Variants in POLR3K observed in about 807,000 individuals in gnomAD.
POLR3K encodes DNA-directed RNA polymerase III subunit RPC10.
In POLR3K, 11 loss-of-function variants were observed where a neutral mutation model predicts 13.5. That is an observed-to-expected ratio of 0.81 (90% CI 0.51 to 1.35). The LOEUF (loss-of-function observed/expected upper bound fraction) is 1.35. Ranked by LOEUF, POLR3K falls within the 40% of genes most tolerant of loss-of-function variation. The pLI is 0.00. For synonymous variants in POLR3K, 56 were observed against 51.5 expected (o/e 1.09, Z -0.38); for missense variants, 144 against 145.3 (o/e 0.99, Z 0.05).
chr16:49,713 C>A (rs1008585007), intron 2 of POLR3K, among the ~76,000 whole-genome samples: 1 of 151,126 alleles, frequency 6.6e-6, no homozygotes, highest in Admixed American at 6.6e-5. Context: ...GATCTCAGCT[C>A]ACTACAACCT....
chr16:51,053 C>T (rs1199073710), intron 2 of POLR3K, among the ~76,000 whole-genome samples: 1 of 152,142 alleles, frequency 6.6e-6, no homozygotes, highest in East Asian at 1.9e-4. Context: ...CCCACTGGGC[C>T]CCTCCCAGGA....
Position 53,596 on chromosome 16 carries a change from C to A in POLR3K, c.-10G>T. ...GGCAGAACAGCAGCATGGTCTCGAA[C>A]TCCGCAGGCTCCAACTCCCGGCAGC... is the stretch of plus-strand genomic sequence containing the variant. On this transcript the variant is annotated 5_prime_UTR_variant, in exon 1 of 3. Coordinates refer to ENST00000293860, the MANE Select transcript of POLR3K (RefSeq NM_016310.5). 6.2e-7 allele frequency: 1 copy of A among 1,602,908 alleles called. No individual in the cohort carries two copies. Among genetic ancestry groups the A allele is most frequent in the Non-Finnish European group, 8.5e-7 (1 of 1,175,006 alleles).
intron 2 of POLR3K, among the ~76,000 whole-genome samples, chr16:50,189 C>T (rs1897319648): frequency 6.6e-6 from 1 of 152,076 alleles, no homozygotes; most frequent in African/African-American, 2.4e-5. Context: ...GAACTCCTGA[C>T]CTCAGGTGAT....
intron 2 of POLR3K, among the ~76,000 whole-genome samples, chr16:47,951 C>T (rs1267333925): frequency 9.0e-5 from 10 of 110,764 alleles, no homozygotes; most frequent in African/African-American, 1.8e-4. Context: ...TGCAGTGGGG[C>T]GATCTCAGCT....
intron 2 of POLR3K, among the ~76,000 whole-genome samples, chr16:48,687 T>A (rs1897304887): frequency 6.6e-6 from 1 of 151,354 alleles, no homozygotes; most frequent in Non-Finnish European, 1.5e-5. Flanking sequence ...GTCGGGTGCC[T>A]GCAGTCCCAG....
At chr16:49,492 AT>A (rs368564503) in intron 2 of POLR3K, among the ~76,000 whole-genome samples, 20,689 of 144,498 alleles carry the variant, frequency 0.14, 1,514 homozygotes, top group Middle Eastern at 0.26. Flanking sequence ...AGGTAAAAAG[AT>A]TTTTTTTTTT....
intron 1 of POLR3K, among the ~76,000 whole-genome samples, chr16:52,440 C>CT (rs1897342519): frequency 8.8e-6 from 1 of 113,406 alleles, no homozygotes; most frequent in African/African-American, 3.5e-5. Context: ...GAGCGAGACT[C>CT]TGTCTCAAAA....
At chr16:51,823 A>T (rs1053468736) in intron 1 of POLR3K, 178 bp from the exon 2 acceptor site, 4 of 529,174 alleles carry the variant, frequency 7.6e-6, no homozygotes, top group Non-Finnish European at 1.4e-5. Flanking sequence ...GATCGAGACC[A>T]TCCTGGCTAA....
intron 1 of POLR3K, 92 bp downstream of exon 1, chr16:53,384 G>A: frequency 4.7e-6 from 7 of 1,484,280 alleles, no homozygotes; most frequent in South Asian, 1.3e-5. Context: ...GACAGAGGCA[G>A]ACGCCGGGGC....
chr16:50,393 A>G lies in POLR3K; in HGVS notation c.199+1165T>C, dbSNP rs539984247. Among the ~76,000 whole-genome samples the G allele has an allele frequency of 3.3e-5, 5 of 152,258 alleles. No individual in the cohort carries two copies. In the South Asian group the frequency reaches 6.2e-4, roughly 19 times the overall value. On this transcript the variant is annotated intron_variant, in intron 2 of 2. Transcript: ENST00000293860. Reference sequence around the variant, plus strand: ...TATGTCTACCAGACATGCAATAAACATGTATTTTACCCAATCTGCAGTTTA... The same window carrying G: ...TATGTCTACCAGACATGCAATAAACGTGTATTTTACCCAATCTGCAGTTTA...
intron 2 of POLR3K, among the ~76,000 whole-genome samples, chr16:49,862 T>C (rs972566334): frequency 5.9e-5 from 9 of 151,952 alleles, no homozygotes; most frequent in Middle Eastern, 3.4e-3. Flanking sequence ...ATGGTCTCGA[T>C]GTCTTGACCT....
chr16:46,843 G>A lies in POLR3K; in HGVS notation c.*587C>T, dbSNP rs1396472186. 1 of 151,974 alleles carries A rather than the reference G, an allele frequency of 6.6e-6. No individual in the cohort carries two copies. 9.4% of individuals were successfully genotyped at this position (151,974 alleles called of 1,614,324 possible). On this transcript the variant is annotated 3_prime_UTR_variant, in exon 3 of 3. Transcript: ENST00000293860. ...AAAATGAATAAGGGAGTAAGAATAG[G>A]AATAAAGAAAGAAATTGAAATCCCG...
chr16:51,653 A>T lies in POLR3K; in HGVS notation c.112-8T>A. Reference sequence around the variant, plus strand: ...GTACTTCCGATTTGTTACCTAACAAAAACAACACTTCAGACTCCAAGTAAC... The same window carrying T: ...GTACTTCCGATTTGTTACCTAACAATAACAACACTTCAGACTCCAAGTAAC... On this transcript the variant is annotated splice_region_variant and splice_polypyrimidine_tract_variant and intron_variant, in intron 1 of 2. Coordinates refer to ENST00000293860, the MANE Select transcript of POLR3K (RefSeq NM_016310.5). 1 of 1,610,628 alleles carries T rather than the reference A, an allele frequency of 6.2e-7. No homozygotes were observed. The highest frequency in any genetic ancestry group is 8.5e-7 in the Non-Finnish European group (1 of 1,176,818).
At position 51,635 on chromosome 16, in the gene POLR3K, C is replaced by T. The variant is rs756414577; in HGVS notation, c.122G>A (p.Arg41Gln). The T allele has an allele frequency of 5.6e-6, 9 of 1,613,662 alleles. No homozygotes were observed. The highest frequency in any genetic ancestry group is 1.3e-5 in the African/African-American group (1 of 74,890). The change falls in exon 2 of 3, where the codon CGG becomes CAG. Residue 41 changes from arginine to glutamine, a missense_variant. Physicochemically the swap from Arg to Gln is conservative, Grantham distance 43 (BLOSUM62 1). Coordinates refer to ENST00000293860, the MANE Select transcript of POLR3K (RefSeq NM_016310.5). ...VHNITRKVTN[R>Q]KYPKLKEVDD... is the part of the protein sequence containing the mutation. ...CACTTCTTTCAGTTTTGGGTACTTC[C>T]GATTTGTTACCTAACAAAAACAACA...
intron 1 of POLR3K, among the ~76,000 whole-genome samples, chr16:52,652 G>C (rs1897347192): frequency 6.7e-6 from 1 of 149,902 alleles, no homozygotes; most frequent in Non-Finnish European, 1.5e-5. Flanking sequence ...TGTAGTCCCA[G>C]CTAATTGGGA....
At position 53,571 on chromosome 16, in the gene POLR3K, G is replaced by A. The variant is rs745503602; in HGVS notation, c.16C>T (p.Pro6Ser). 5.0e-6 allele frequency: 8 copies of A among 1,612,944 alleles called. No individual in the cohort carries two copies. Among genetic ancestry groups the A allele is most frequent in the Non-Finnish European group, 6.8e-6 (8 of 1,179,612 alleles). MLLFC[P>S]GCGNGLIVEE... ...ACGATCAGCCCGTTCCCGCAGCCGGGGCAGAACAGCAGCATGGTCTCGAAC... is the reference window on the plus strand; with the variant it reads ...ACGATCAGCCCGTTCCCGCAGCCGGAGCAGAACAGCAGCATGGTCTCGAAC... The change falls in exon 1 of 3, where the codon CCC becomes TCC. Residue 6 changes from proline to serine, a missense_variant. Physicochemically the swap from Pro to Ser is moderately conservative, Grantham distance 74. Transcript: ENST00000293860.
chr16:49,874 G>A (rs952350564), intron 2 of POLR3K, among the ~76,000 whole-genome samples: 5 of 151,972 alleles, frequency 3.3e-5, no homozygotes, highest in Non-Finnish European at 5.9e-5. Flanking sequence ...TCTTGACCTC[G>A]TGATCCGCCC....
chr16:48,941 C>T (rs1348051899), intron 2 of POLR3K, among the ~76,000 whole-genome samples: 6 of 149,252 alleles, frequency 4.0e-5, no homozygotes, highest in East Asian at 4.0e-4. Flanking sequence ...ATCACGAGGT[C>T]GGGAGGTCAA....
chr16:51,738 C>T (rs563005700), intron 1 of POLR3K, 93 bp from the exon 2 acceptor site: 1 of 1,056,430 alleles, frequency 9.5e-7, no homozygotes, highest in African/African-American at 1.6e-5. Context: ...AGAGTTCACT[C>T]GGCTGGGCGT....
Sources: allele counts gnomAD v4.1 joint callset (sites outside exome capture counted in the v4.1 genomes callset), GRCh38; gene constraint gnomAD v4.1.1; transcripts MANE v1.5; gene names NCBI Gene and HGNC (gene_info 2026-07-23, HGNC 2026-07-21).